Variants in CHD4 observed in about 807,000 individuals in gnomAD.
CHD4 encodes the protein ATP-dependent chromatin remodeler CHD4.
In CHD4, 35 loss-of-function variants were observed where a neutral mutation model predicts 235.5. That is an observed-to-expected ratio of 0.15 (90% CI 0.11 to 0.20). The LOEUF (loss-of-function observed/expected upper bound fraction) is 0.20. CHD4 is among the 10% of genes least tolerant of loss of function. The pLI, the probability that CHD4 is intolerant of heterozygous loss-of-function variation, is 1.00. For synonymous variants in CHD4, 900 were observed against 850.2 expected, an observed-to-expected ratio of 1.06 and a Z score of -1.02; for missense variants, 1,329 against 2,432.3, an observed-to-expected ratio of 0.55 and a Z score of 9.54.
chr12:6,604,635 A>G (rs936646302), intron 2 of CHD4, among the ~76,000 whole-genome samples: 1 of 151,340 alleles, frequency 6.6e-6, no homozygotes, highest in Non-Finnish European at 1.5e-5. Flanking sequence ...AAGACAACCC[A>G]TGGAGGCAAA....
chr12:6,593,029 G>A lies in CHD4; in HGVS notation c.2652+62C>T. ...TCCATCTACAAGTTTTCCCCTTAATGAATTGGTAGTACTAGAAAAAACCCA... is the reference window on the plus strand; with the variant it reads ...TCCATCTACAAGTTTTCCCCTTAATAAATTGGTAGTACTAGAAAAAACCCA... On this transcript the variant is annotated intron_variant, in intron 17 of 39. Coordinates refer to ENST00000544040, the MANE Select transcript of CHD4 (RefSeq NM_001273.5). This position sits in a 1 kb window ranked among gnomAD's most constrained non-coding sequence, Gnocchi z 4.9. 2 of 1,594,534 alleles carry A rather than the reference G, an allele frequency of 1.3e-6. No individual in the cohort carries two copies. Among genetic ancestry groups the A allele is most frequent in the South Asian group, 1.1e-5 (1 of 90,344 alleles).
intron 37 of CHD4, among the ~76,000 whole-genome samples, chr12:6,574,164 T>C (rs1259230709): frequency 1.3e-5 from 2 of 152,224 alleles, no homozygotes; most frequent in Non-Finnish European, 2.9e-5. Flanking sequence ...AAAAACTGTT[T>C]CTGTTTCCTA....
Position 6,593,687 on chromosome 12 carries a change from C to T in CHD4, c.2314-71G>A. On this transcript the variant is annotated intron_variant, in intron 15 of 39. Coordinates refer to ENST00000544040, the MANE Select transcript of CHD4 (RefSeq NM_001273.5). This position sits in a 1 kb window ranked among gnomAD's most constrained non-coding sequence, Gnocchi z 4.9. ...TGCAACCCCAGCGAACACCCACCAC[C>T]CTGCTGCCCCCTCAAGCTGAGCCAA... 1 of 1,368,158 alleles carries T rather than the reference C, an allele frequency of 7.3e-7. No homozygotes were observed. Among genetic ancestry groups the T allele is most frequent in the East Asian group, 2.3e-5 (1 of 43,414 alleles). The allele number at this position is 1,368,158 out of a possible 1,614,324, so 84.8% of individuals were successfully genotyped here.
chr12:6,581,844 C>G, intron 30 of CHD4, 30 bp from the exon 31 acceptor site: 1 of 1,500,196 alleles, frequency 6.7e-7, no homozygotes, highest in Non-Finnish European at 8.9e-7. Context: ...AGTTGAAGAC[C>G]CAATTCCAGC....
At position 6,602,058 on chromosome 12, in the gene CHD4, T is replaced by G. The variant is rs754857206; in HGVS notation, c.340A>C (p.Lys114Gln). 4 of 1,613,310 alleles carry G rather than the reference T, an allele frequency of 2.5e-6. No homozygotes were observed. The highest frequency in any genetic ancestry group is 1.3e-5 in the African/African-American group (1 of 74,824). Residue 114 changes from lysine to glutamine, a missense_variant, in exon 4 of 40, where the codon AAG (lysine) becomes CAG (glutamine). Lys to Gln is a moderately conservative substitution (Grantham distance 53). Coordinates refer to ENST00000544040, the MANE Select transcript of CHD4 (RefSeq NM_001273.5). The part of the protein sequence containing the change: ...DSEGSDYTPG[K>Q]KKKKKLGPKK... ...GGTCCAAGCTTCTTCTTCTTCTTCT[T>G]GCCAGGAGTATAGTCGCTGCCCTCA...
intron 17 of CHD4, 119 bp from the exon 18 acceptor site, chr12:6,592,936 TA>T (rs1325488449): frequency 6.6e-7 from 1 of 1,511,274 alleles, no homozygotes. Flanking sequence ...ACATTCTTTT[TA>T]AAGGCCTGGC....
chr12:6,597,309 T>C (rs765396565), intron 12 of CHD4, among the ~76,000 whole-genome samples: 2 of 151,170 alleles, frequency 1.3e-5, no homozygotes, highest in Admixed American at 6.6e-5. Flanking sequence ...ATAAAGATAA[T>C]AACATGAAGT....
In CHD4 at chr12:6,593,790, C is replaced by CA. The variant is rs1240668467; in HGVS notation, c.2314-175_2314-174insT. On this transcript the variant is annotated intron_variant, in intron 15 of 39. Coordinates refer to ENST00000544040, the MANE Select transcript of CHD4 (RefSeq NM_001273.5). This position sits in a 1 kb window ranked among gnomAD's most constrained non-coding sequence, Gnocchi z 4.9. ...GCCCAGCCCACTCCTTTCCAAAAAC[C>CA]CAAGGTCCCACCATAACTACAAGTC... 6.6e-6 allele frequency among the ~76,000 whole-genome samples: 1 copy of CA among 152,124 alleles called. No homozygotes were observed. The highest frequency in any genetic ancestry group is 1.5e-5 in the Non-Finnish European group (1 of 68,020).
At chr12:6,600,441 T>TCCCCC in intron 8 of CHD4, 46 bp from the exon 9 acceptor site, 1 of 1,600,542 alleles carries the variant, frequency 6.2e-7, no homozygotes, top group Non-Finnish European at 8.5e-7. Context: ...AAAAACTACC[T>TCCCCC]CCCCCCACCC....
chr12:6,606,426 G>A lies in CHD4; in HGVS notation c.-53C>T, dbSNP rs905436603. 3.9e-6 allele frequency: 5 copies of A among 1,285,172 alleles called. No individual in the cohort carries two copies. The highest frequency in any genetic ancestry group is 3.1e-5 in the African/African-American group (2 of 65,356). The allele number at this position is 1,285,172 out of a possible 1,614,324, so 79.6% of individuals were successfully genotyped here. On this transcript the variant is annotated 5_prime_UTR_variant, in exon 2 of 40. Transcript: ENST00000544040. The stretch of plus-strand genomic sequence containing the variant: ...GCCCAGCTGCTCCTGCCGGCGGCCT[G>A]AGGACCTCTACACTGGCCCGAGTCA...
chr12:6,576,072 G>T (rs1420120761), intron 37 of CHD4, among the ~76,000 whole-genome samples: 1 of 151,008 alleles, frequency 6.6e-6, no homozygotes, highest in African/African-American at 2.4e-5. Context: ...TTAAGACAGG[G>T]TCTTGGATGG....
intron 13 of CHD4, 94 bp from the exon 14 acceptor site, chr12:6,595,524 CATTT>C: frequency 9.2e-7 from 1 of 1,084,574 alleles, no homozygotes; most frequent in Non-Finnish European, 1.4e-6. Context: ...GTAATCCCAG[CATTT>C]TGGGAGGCCA....
Position 6,583,223 on chromosome 12 carries a change from G to A in CHD4, c.4035C>T (p.Tyr1345=), listed in dbSNP as rs1346695248. The change falls in exon 26 of 40, where the codon TAC becomes TAT. Residue 1345 remains tyrosine, a synonymous_variant. Transcript: ENST00000544040. ...KGKRIRKQVN[Y]NDGSQEDRDW... Reference sequence around the variant, plus strand: ...CTCGGTCCTCCTGGGAGCCATCATTGTAGTTGACCTGTTTACGGATTCTTT... The same window carrying A: ...CTCGGTCCTCCTGGGAGCCATCATTATAGTTGACCTGTTTACGGATTCTTT... 3 of 1,614,094 alleles carry A rather than the reference G, an allele frequency of 1.9e-6. No individual in the cohort carries two copies. Among genetic ancestry groups the A allele is most frequent in the Admixed American group, 1.7e-5 (1 of 60,008 alleles).
intron 37 of CHD4, among the ~76,000 whole-genome samples, chr12:6,577,417 CAAAAAA>C (rs60910415): frequency 5.7e-5 from 5 of 87,308 alleles, no homozygotes; most frequent in African/African-American, 1.9e-4. Context: ...GATTCTGCCT[CAAAAAA>C]AAAAAAAAAA....
rs1565613208 is a variant in CHD4, at chr12:6,594,664, CAG to C, written c.2122-16_2122-15del. ...CTTCACTGTTGGCTGAAGGATGAAA[CAG>C]AGAAGTCAAGAGCTGGCAAGGAACT... On this transcript the variant is annotated splice_polypyrimidine_tract_variant and intron_variant, in intron 14 of 39. Coordinates refer to ENST00000544040, the MANE Select transcript of CHD4 (RefSeq NM_001273.5). The C allele has an allele frequency of 1.2e-6, 2 of 1,607,946 alleles. No individual in the cohort carries two copies. Among genetic ancestry groups the C allele is most frequent in the East Asian group, 2.2e-5 (1 of 44,770 alleles).
chr12:6,579,004 A>T, intron 33 of CHD4, 87 bp from the exon 34 acceptor site: 1 of 1,256,248 alleles, frequency 8.0e-7, no homozygotes, highest in Non-Finnish European at 1.2e-6. Context: ...ATAGACCCAC[A>T]TCTAAATGTC....
At chr12:6,577,727 G>T in intron 37 of CHD4, 58 bp downstream of exon 37, 2 of 1,603,512 alleles carry the variant, frequency 1.2e-6, no homozygotes, top group Non-Finnish European at 1.7e-6. Flanking sequence ...TCTGCTGCAG[G>T]ACGTTACGCA....
At position 6,580,704 on chromosome 12, in the gene CHD4, G is replaced by GAAAAAAAAAAA. The variant is rs57266458; in HGVS notation, c.4909+329_4909+339dup. ...CCTGGGCAACGAGTAAAACTCCTTT[G>GAAAAAAAAAAA]AAAAAAAAAAAAAAAAAAAAAAAGC... On this transcript the variant is annotated intron_variant, in intron 33 of 39. Coordinates refer to ENST00000544040, the MANE Select transcript of CHD4 (RefSeq NM_001273.5). 1.1e-3 allele frequency: 47 copies of GAAAAAAAAAAA among 43,452 alleles called. 3 individuals carry two copies. Among genetic ancestry groups the GAAAAAAAAAAA allele is most frequent in the African/African-American group, 4.5e-3 (35 of 7,754 alleles). The allele number at this position is 43,452 out of a possible 1,614,324, so 2.7% of individuals were successfully genotyped here.
intron 25 of CHD4, 96 bp from the exon 26 acceptor site, chr12:6,583,474 A>G: frequency 9.4e-7 from 1 of 1,062,472 alleles, no homozygotes; most frequent in Non-Finnish European, 1.4e-6. Flanking sequence ...GCTCCTTTTC[A>G]TGACTGGACT....
Sources: gnomAD v4.1 joint callset for allele counts (sites outside exome capture counted in the v4.1 genomes callset) on GRCh38, gnomAD v4.1.1 for gene constraint, Gnocchi (gnomAD v3.1) non-coding constraint, MANE v1.5 for transcripts, NCBI Gene and HGNC (gene_info 2026-07-23, HGNC 2026-07-21) for gene names.